Variants in CSMD1 observed in about 807,000 individuals in gnomAD.
The protein encoded by CSMD1 is CUB and Sushi multiple domains 1, also known as CUB and sushi domain-containing protein 1.
CSMD1 carries 213 observed loss-of-function variants against 417.5 expected under a neutral mutation model. That is an observed-to-expected ratio of 0.51 (90% CI 0.46 to 0.57). CSMD1 has a LOEUF of 0.57. Among genes scored for constraint, CSMD1 ranks in the 20% least tolerant of loss-of-function variants. The probability of loss-of-function intolerance (pLI) is 0.00; values close to 1 mark genes in which losing one functional copy is unlikely to be tolerated. For missense variants in CSMD1, 6,923 were observed against 4,529.7 expected (o/e 1.53, Z -15.17); for synonymous variants, 2,862 against 1,736.8 (o/e 1.65, Z -16.11).
At chr8:4,246,554 G>A (rs1253451367) in intron 3 of CSMD1, among the ~76,000 whole-genome samples, 3 of 151,938 alleles carry the variant, frequency 2.0e-5, no homozygotes, top group African/African-American at 4.8e-5. Context: ...GTTTCATGAG[G>A]GTTTTCTTTA....
chr8:4,577,688 A>T (rs1202259198), intron 2 of CSMD1, among the ~76,000 whole-genome samples: 1 of 152,182 alleles, frequency 6.6e-6, no homozygotes, highest in Non-Finnish European at 1.5e-5. Flanking sequence ...GAGAGGACAA[A>T]TTGCTCCTTC....
chr8:4,378,175 T>G (rs371301243), intron 3 of CSMD1, among the ~76,000 whole-genome samples: 2 of 152,198 alleles, frequency 1.3e-5, no homozygotes, highest in African/African-American at 2.4e-5. Context: ...ACTCTAGATA[T>G]TGCGACTCTA....
At chr8:2,992,158 T>C (rs975758097) in intron 54 of CSMD1, among the ~76,000 whole-genome samples, 2 of 151,906 alleles carry the variant, frequency 1.3e-5, no homozygotes, top group Admixed American at 6.6e-5. Flanking sequence ...TGCACACACA[T>C]GAACAGACAT....
intron 1 of CSMD1, among the ~76,000 whole-genome samples, chr8:4,886,847 A>G (rs1803774633): frequency 6.6e-6 from 1 of 152,020 alleles, no homozygotes; most frequent in Non-Finnish European, 1.5e-5. Flanking sequence ...GTCATTTCAG[A>G]TTTAAGTAAC....
intron 3 of CSMD1, among the ~76,000 whole-genome samples, chr8:4,221,560 C>A (rs372905289): frequency 3.9e-5 from 6 of 152,232 alleles, no homozygotes; most frequent in Middle Eastern, 3.4e-3. Flanking sequence ...CAGGAGGCCT[C>A]AGATGTGTGT....
chr8:3,984,680 G>A (rs992154622), intron 5 of CSMD1, among the ~76,000 whole-genome samples: 1 of 135,932 alleles, frequency 7.4e-6, no homozygotes, highest in Non-Finnish European at 1.5e-5. Flanking sequence ...AATGATTTAT[G>A]GGTTCAGGAT....
At chr8:3,940,932 T>A (rs1203586974) in intron 5 of CSMD1, among the ~76,000 whole-genome samples, 2 of 151,960 alleles carry the variant, frequency 1.3e-5, no homozygotes, top group Non-Finnish European at 2.9e-5. Context: ...TGTATGTATT[T>A]GTCCATATTT....
At chr8:4,284,171 T>C (rs779124) in intron 3 of CSMD1, among the ~76,000 whole-genome samples, 152,058 of 152,220 alleles carry the variant, frequency 1, 75,948 homozygotes, top group Middle Eastern at 1. Context: ...AGTTCCAGAC[T>C]AGGCTGGCCA....
At chr8:4,963,818 T>G (rs1269926335) in intron 1 of CSMD1, among the ~76,000 whole-genome samples, 1 of 152,190 alleles carries the variant, frequency 6.6e-6, no homozygotes, top group East Asian at 1.9e-4. Context: ...ATTGAAATTT[T>G]CACTAACCAT....
At chr8:4,106,429 T>G (rs1042860477) in intron 3 of CSMD1, among the ~76,000 whole-genome samples, 5 of 152,208 alleles carry the variant, frequency 3.3e-5, no homozygotes, top group Non-Finnish European at 7.3e-5. Flanking sequence ...CATATCAAAC[T>G]CTATAGAATT....
intron 3 of CSMD1, among the ~76,000 whole-genome samples, chr8:4,181,257 C>T (rs765982129): frequency 1.2e-4 from 19 of 152,254 alleles, no homozygotes; most frequent in Admixed American, 6.5e-4. Flanking sequence ...CCACCCTGAA[C>T]GTGCCCAATC....
intron 3 of CSMD1, among the ~76,000 whole-genome samples, chr8:4,241,581 C>T (rs758536901): frequency 6.6e-6 from 1 of 152,130 alleles, no homozygotes; most frequent in Non-Finnish European, 1.5e-5. Context: ...ACAGCGGACC[C>T]TAAATACCCG....
intron 5 of CSMD1, among the ~76,000 whole-genome samples, chr8:3,768,258 C>T (rs10095924): frequency 0.12 from 17,876 of 152,058 alleles, 1,052 homozygotes; most frequent in Non-Finnish European, 0.12. Flanking sequence ...GACGTATTCC[C>T]GGGCCAAGTG....
chr8:4,355,922 T>TTTTTG (rs376918936), intron 3 of CSMD1, among the ~76,000 whole-genome samples: 2 of 151,862 alleles, frequency 1.3e-5, no homozygotes, highest in African/African-American at 4.8e-5. Context: ...ATCAGCTGTT[T>TTTTTG]TTTTGTTTTG....
At chr8:3,930,198 T>A (rs550586897) in intron 5 of CSMD1, among the ~76,000 whole-genome samples, 2 of 150,262 alleles carry the variant, frequency 1.3e-5, no homozygotes, top group Non-Finnish European at 3.0e-5. Context: ...ATCTATTAGA[T>A]GATGATTCTA....
At chr8:3,227,771 CT>C (rs752654638) in intron 27 of CSMD1, among the ~76,000 whole-genome samples, 593 of 142,102 alleles carry the variant, frequency 4.2e-3, no homozygotes, top group Admixed American at 7.5e-3. Flanking sequence ...AAACTTTTTT[CT>C]TTTTTTTTTT....
chr8:3,031,974 G>GTA (rs60178259), intron 50 of CSMD1, among the ~76,000 whole-genome samples: 4,781 of 146,548 alleles, frequency 0.033, 171 homozygotes, highest in African/African-American at 0.086. Flanking sequence ...GTATGTGTGT[G>GTA]TATATATATA....
intron 5 of CSMD1, among the ~76,000 whole-genome samples, chr8:3,783,543 T>C (rs1348983215): frequency 6.6e-6 from 1 of 151,922 alleles, no homozygotes; most frequent in Non-Finnish European, 1.5e-5. Flanking sequence ...GCCCCTAAGG[T>C]GGGCACAGGA....
intron 4 of CSMD1, among the ~76,000 whole-genome samples, chr8:4,014,623 C>T (rs538250309): frequency 6.6e-6 from 1 of 152,308 alleles, no homozygotes; most frequent in Admixed American, 6.5e-5. Flanking sequence ...ATTAGCCCAA[C>T]TTAACAAATT....
Sources: allele counts gnomAD v4.1 joint callset (sites outside exome capture counted in the v4.1 genomes callset), GRCh38; gene constraint gnomAD v4.1.1; transcripts MANE v1.5; gene names NCBI Gene and HGNC (gene_info 2026-07-23, HGNC 2026-07-21).